TF: variants seen among roughly 807,000 people sequenced by gnomAD.
The protein encoded by TF is transferrin.
A neutral mutation model predicts 82.4 loss-of-function variants in TF; 55 were observed. The observed-to-expected ratio is 0.67, with a 90% CI of 0.54 to 0.84. The LOEUF is 0.84. Among genes scored for constraint, TF ranks in the 40% least tolerant of loss-of-function variants. The pLI, the probability that TF is intolerant of heterozygous loss-of-function variation, is 0.00. For missense variants in TF, 737 were observed against 868.4 expected (o/e 0.85, Z 1.90); for synonymous variants, 332 against 332.6 (o/e 1.00, Z 0.02).
At chr3:133,754,058 ACT>A (rs1241494827) in intron 3 of TF, 1 of 437,184 alleles carries the variant, frequency 2.3e-6, no homozygotes, top group Non-Finnish European at 4.2e-6. Context: ...AGGAGGGGTC[ACT>A]CTGGAGCACA....
the TF span, chr3:133,702,042 T>C: frequency 6.5e-6 from 1 of 153,040 alleles, no homozygotes; most frequent in Non-Finnish European, 1.5e-5. Flanking sequence ...GCGTGCACCA[T>C]GGAGGAGACC....
the TF span, among the ~76,000 whole-genome samples, chr3:133,702,921 A>G: frequency 0.8 from 121,983 of 151,576 alleles, 49,407 homozygotes; most frequent in African/African-American, 0.86. Context: ...ATCTCAGTAC[A>G]TATAACATTG....
upstream of TF, among the ~76,000 whole-genome samples, chr3:133,742,456 G>A (rs1263193030): frequency 7.8e-6 from 1 of 128,304 alleles, no homozygotes; most frequent in South Asian, 2.3e-4. Context: ...GAAGGAGAGA[G>A]AGAGAGAGAA....
chr3:133,670,237 G>A, the TF span, among the ~76,000 whole-genome samples: 1 of 152,206 alleles, frequency 6.6e-6, no homozygotes, highest in African/African-American at 2.4e-5. Context: ...AAAAGAGGAT[G>A]GCAATAGCCT....
chr3:133,688,574 C>A, the TF span, among the ~76,000 whole-genome samples: 8 of 152,252 alleles, frequency 5.3e-5, no homozygotes, highest in South Asian at 1.5e-3. Flanking sequence ...AAATCATAAT[C>A]CTAATCATAA....
At position 133,796,397 on chromosome 3, in the gene TF, A is replaced by G. The variant is rs780631326; in HGVS notation, c.*17777A>G. On this transcript the variant is annotated 3_prime_UTR_variant, in exon 17 of 17. Transcript: ENST00000402696. Reference sequence around the variant, plus strand: ...AGGCAGAAGAATAGGGTCTGTAGGCAAGGAATATAAGGCAGATGCATGCTC... The same window carrying G: ...AGGCAGAAGAATAGGGTCTGTAGGCGAGGAATATAAGGCAGATGCATGCTC... The G allele has an allele frequency of 1.3e-5, 2 of 152,252 alleles. No individual in the cohort carries two copies. Among genetic ancestry groups the G allele is most frequent in the Non-Finnish European group, 2.9e-5 (2 of 68,090 alleles). The allele number at this position is 152,252 out of a possible 1,614,324, so 9.4% of individuals were successfully genotyped here.
At chr3:133,746,194 A>T, upstream of TF, 1 of 593,098 alleles carries the variant, frequency 1.7e-6, no homozygotes, top group South Asian at 1.9e-5. Context: ...TCCCATCAAC[A>T]TTTCTGTGCT....
the TF span, among the ~76,000 whole-genome samples, chr3:133,697,115 T>G: frequency 6.6e-5 from 10 of 152,246 alleles, no homozygotes; most frequent in Non-Finnish European, 1.3e-4. Flanking sequence ...TGTTCAGTTA[T>G]TCACAATTCA....
the TF span, among the ~76,000 whole-genome samples, chr3:133,683,100 A>G: frequency 6.6e-6 from 1 of 152,204 alleles, no homozygotes; most frequent in Middle Eastern, 3.2e-3. Flanking sequence ...ATCCAGCCAA[A>G]CTAAGGTTCC....
At chr3:133,760,781 C>T in intron 9 of TF, 1 of 163,322 alleles carries the variant, frequency 6.1e-6, no homozygotes. Context: ...ACCAACATTG[C>T]CATGTTCTGT....
Position 133,759,323 on chromosome 3 carries a change from G to T in TF, c.1197G>T (p.Lys399Asn). 2 of 1,613,562 alleles carry T rather than the reference G, an allele frequency of 1.2e-6. No individual in the cohort carries two copies. The highest frequency in any genetic ancestry group is 1.1e-5 in the South Asian group (1 of 91,076). Residue 399 changes from lysine (K) to asparagine (N), a missense_variant, in exon 9 of 17, where the codon AAG becomes AAT. By Grantham distance (94) the Lys-to-Asn change is moderately conservative (BLOSUM62 0). Coordinates refer to ENST00000402696, the MANE Select transcript of TF (RefSeq NM_001063.4). The stretch of plus-strand genomic sequence containing the variant: ...AGACCACCGAAGACTGCATCGCCAA[G>T]ATCATGGTATGTCACTCCAGCCTTC... ...SAETTEDCIA[K>N]IMNGEADAMS...
chr3:133,711,771 A>T, the TF span, among the ~76,000 whole-genome samples: 1 of 152,054 alleles, frequency 6.6e-6, no homozygotes, highest in Non-Finnish European at 1.5e-5. Flanking sequence ...GCATTGTCTA[A>T]AACCCTTCAC....
the TF span, among the ~76,000 whole-genome samples, chr3:133,694,874 ATTTAT>A: frequency 1.8e-5 from 2 of 112,594 alleles, no homozygotes; most frequent in African/African-American, 5.8e-5. Flanking sequence ...TTATTTATTT[ATTTAT>A]TTATTTATTA....
the TF span, among the ~76,000 whole-genome samples, chr3:133,680,236 C>A: frequency 9.2e-5 from 14 of 151,806 alleles, no homozygotes; most frequent in East Asian, 2.5e-3. Context: ...TATAGGTTCT[C>A]CCTCTGTTGC....
the TF span, chr3:133,699,779 G>A: frequency 1.9e-5 from 7 of 367,144 alleles, no homozygotes; most frequent in South Asian, 8.6e-5. Flanking sequence ...CTGACAAGCC[G>A]CTCAGTCTAT....
At chr3:133,699,613 A>G in the TF span, 3 of 542,826 alleles carry the variant, frequency 5.5e-6, no homozygotes, top group Admixed American at 5.8e-5. Flanking sequence ...AAGCTTCTCA[A>G]CCAGGTCCAG....
At chr3:133,690,188 C>G in the TF span, among the ~76,000 whole-genome samples, 1 of 145,190 alleles carries the variant, frequency 6.9e-6, no homozygotes, top group African/African-American at 2.6e-5. Context: ...TTTTAAAAAG[C>G]CCTAAGCATG....
chr3:133,759,716 C>T (rs973225021), intron 9 of TF, among the ~76,000 whole-genome samples: 4 of 152,134 alleles, frequency 2.6e-5, no homozygotes, highest in African/African-American at 9.7e-5. Flanking sequence ...CCTAGCCTGG[C>T]ATGGTGGCAT....
chr3:133,768,227 G>A lies in TF; in HGVS notation c.1622+63G>A, dbSNP rs577069436. 91 of 1,598,438 alleles carry A rather than the reference G, an allele frequency of 5.7e-5. No individual in the cohort carries two copies. The South Asian group carries it at 1.0e-3, about 18-fold the overall frequency. The stretch of plus-strand genomic sequence containing the variant: ...CAAGCCCTGGCCAGATTTCTTTTAG[G>A]AACTAAGGTAAGATTCTTAGGTTCC... On this transcript the variant is annotated intron_variant, in intron 13 of 16. Coordinates refer to ENST00000402696, the MANE Select transcript of TF (RefSeq NM_001063.4).
Sources: gnomAD v4.1 joint callset for allele counts (sites outside exome capture counted in the v4.1 genomes callset) on GRCh38, gnomAD v4.1.1 for gene constraint, MANE v1.5 for transcripts, NCBI Gene and HGNC (gene_info 2026-07-23, HGNC 2026-07-21) for gene names.